ANK3: variants seen among roughly 807,000 people sequenced by gnomAD.
ANK3 encodes ankyrin-3.
A neutral mutation model predicts 370.9 loss-of-function variants in ANK3; 57 were observed. The observed-to-expected ratio is 0.15, with a 90% CI of 0.12 to 0.19. The LOEUF is 0.19. ANK3 is among the 10% of genes least tolerant of loss of function. ANK3 has a pLI of 1.00. For synonymous variants in ANK3, 1,929 were observed against 1,946.3 expected (o/e 0.99, Z 0.23); for missense variants, 4,439 against 5,302.1 (o/e 0.84, Z 5.06).
At chr10:60,545,435 T>C (rs1426002789) in intron 2 of ANK3, among the ~76,000 whole-genome samples, 1 of 87,976 alleles carries the variant, frequency 1.1e-5, no homozygotes, top group African/African-American at 3.5e-5. Flanking sequence ...GTGGTTCTAA[T>C]CAAATGAAAA....
At chr10:60,250,375 C>T (rs888082192) in intron 7 of ANK3, among the ~76,000 whole-genome samples, 4 of 151,860 alleles carry the variant, frequency 2.6e-5, no homozygotes, top group Non-Finnish European at 2.9e-5. Context: ...TTATTTTTTT[C>T]TTTTTTTGAG....
rs562945516 is a variant in ANK3, at chr10:60,106,333, G to T, written c.3174-274C>A. 1.6e-4 allele frequency among the ~76,000 whole-genome samples: 25 copies of T among 152,158 alleles called. No individual in the cohort carries two copies. In the East Asian group the frequency reaches 4.8e-3, roughly 29 times the overall value. ...GAAATTTTTCAGTACATATAAATAG[G>T]AATTTTGAATCAGAATGGAAACTTA... On this transcript the variant is annotated intron_variant, in intron 27 of 43. Transcript: ENST00000280772.
chr10:60,109,099 T>A, intron 26 of ANK3, 45 bp from the exon 27 acceptor site: 1 of 1,480,080 alleles, frequency 6.8e-7, no homozygotes, highest in South Asian at 1.1e-5. Flanking sequence ...GGAAATAAAC[T>A]GTGCTCACAG....
intron 7 of ANK3, among the ~76,000 whole-genome samples, chr10:60,260,843 T>C (rs1368323423): frequency 6.6e-6 from 1 of 152,156 alleles, no homozygotes; most frequent in East Asian, 1.9e-4. Context: ...GCCAGTATCA[T>C]GCTTCCTGTA....
chr10:60,030,438 G>A (rs1013881492), intron 43 of ANK3, among the ~76,000 whole-genome samples: 43 of 152,108 alleles, frequency 2.8e-4, no homozygotes, highest in African/African-American at 1.4e-4. Flanking sequence ...CACCACGCCC[G>A]GCCCTCAACT....
At chr10:60,046,551 TATTCATTGACTTAG>T (rs1011822862) in intron 42 of ANK3, among the ~76,000 whole-genome samples, 1 of 152,150 alleles carries the variant, frequency 6.6e-6, no homozygotes, top group Admixed American at 6.5e-5. Flanking sequence ...TACAAGTATG[TATTCATTGACTTAG>T]ATTCATTGAC....
chr10:60,380,783 C>T (rs533324403), intron 1 of ANK3, among the ~76,000 whole-genome samples: 2 of 152,270 alleles, frequency 1.3e-5, no homozygotes, highest in African/African-American at 4.8e-5. Context: ...CTCACTTCTT[C>T]TGTTTTGTTT....
At chr10:60,228,654 T>C (rs2097199862) in intron 8 of ANK3, among the ~76,000 whole-genome samples, 1 of 152,178 alleles carries the variant, frequency 6.6e-6, no homozygotes, top group African/African-American at 2.4e-5. Context: ...ACTTCTTTTA[T>C]CTTTATCTTT....
rs141873985 is a variant in ANK3 at position 60,582,635 on chromosome 10, G to A, written c.96+32551C>T. On this transcript the variant is annotated intron_variant, in intron 2 of 43. Coordinates refer to the ANK3 transcript ENST00000373827. ...ACAGCCTTTTCTCATGTTGGCTTCC[G>A]ATTCCTAAAATATATTATTTTTATA... Among the ~76,000 whole-genome samples the A allele has an allele frequency of 3.2e-3, 473 of 149,870 alleles. 3 individuals carry two copies. Among genetic ancestry groups the A allele is most frequent in the Middle Eastern group, 6.9e-3 (2 of 288 alleles).
chr10:60,125,185 G>T (rs74156410), intron 25 of ANK3, among the ~76,000 whole-genome samples: 2,278 of 152,192 alleles, frequency 0.015, 57 homozygotes, highest in African/African-American at 0.052. Flanking sequence ...TTATTTTCTT[G>T]AAGTCAACTA....
intron 40 of ANK3, chr10:60,060,050 T>A: frequency 6.9e-7 from 1 of 1,445,692 alleles, no homozygotes; most frequent in Non-Finnish European, 9.3e-7. Context: ...TGAATTAGAA[T>A]ACATCAAACA....
chr10:60,588,968 G>T (rs961701707), intron 2 of ANK3, among the ~76,000 whole-genome samples: 1 of 152,100 alleles, frequency 6.6e-6, no homozygotes, highest in East Asian at 1.9e-4. Context: ...AGGGGAGAAA[G>T]AGGAGGTCTG....
chr10:60,259,069 A>G (rs1566048190), intron 7 of ANK3, among the ~76,000 whole-genome samples: 2 of 152,154 alleles, frequency 1.3e-5, no homozygotes. Flanking sequence ...TATTTCTGTT[A>G]CCTTCTTGAG....
intron 1 of ANK3, among the ~76,000 whole-genome samples, chr10:60,305,736 C>T (rs567239928): frequency 6.6e-6 from 1 of 152,248 alleles, no homozygotes; most frequent in East Asian, 1.9e-4. Context: ...ACCCCCTGGC[C>T]AGGACATTTT....
At chr10:60,036,471 T>C (rs921337809) in intron 43 of ANK3, among the ~76,000 whole-genome samples, 2 of 134,918 alleles carry the variant, frequency 1.5e-5, no homozygotes, top group Non-Finnish European at 3.1e-5. Context: ...AGTCTTGCTC[T>C]GTCGCCCAGG....
chr10:60,225,657 C>G (rs1014812919), intron 8 of ANK3, among the ~76,000 whole-genome samples: 1 of 152,094 alleles, frequency 6.6e-6, no homozygotes, highest in Admixed American at 6.6e-5. Context: ...CTTCCTTGTT[C>G]TACTGCCATA....
rs181508511 is a variant in ANK3, at chr10:60,272,505, A to C, written c.415-2276T>G. ...GTTTGTTTTTTTTTTGTTGAGACAG[A>C]GTCTCACTCTGTCGCCCAAGCTGGA... On this transcript the variant is annotated intron_variant, in intron 4 of 43. Transcript: ENST00000280772. 2.6e-3 allele frequency among the ~76,000 whole-genome samples: 401 copies of C among 151,444 alleles called. 3 individuals carry two copies. The highest frequency in any genetic ancestry group is 3.2e-3 in the Non-Finnish European group (214 of 67,836).
At chr10:60,180,626 C>CAAAAAAAAAAAAAAA (rs1565506436) in intron 18 of ANK3, among the ~76,000 whole-genome samples, 2 of 119,312 alleles carry the variant, frequency 1.7e-5, no homozygotes, top group Admixed American at 9.1e-5. Flanking sequence ...AAAAAAAAAA[C>CAAAAAAAAAAAAAAA]ATGTTAGAGT....
intron 2 of ANK3, among the ~76,000 whole-genome samples, chr10:60,421,287 C>A (rs1432247157): frequency 6.6e-6 from 1 of 151,828 alleles, no homozygotes; most frequent in Non-Finnish European, 1.5e-5. Flanking sequence ...ATAATTAATG[C>A]CAGTGAATTG....
Sources: gnomAD v4.1 joint callset for allele counts (sites outside exome capture counted in the v4.1 genomes callset) on GRCh38, gnomAD v4.1.1 for gene constraint, MANE v1.5 for transcripts, NCBI Gene and HGNC (gene_info 2026-07-23, HGNC 2026-07-21) for gene names.